The following HSPA4L variants were observed in gnomAD, a reference collection of about 807,000 sequenced individuals.
The protein encoded by HSPA4L is heat shock 70 kDa protein 4L.
A neutral mutation model predicts 100.3 loss-of-function variants in HSPA4L; 48 were observed. The observed-to-expected ratio is 0.48, with a 90% CI of 0.38 to 0.61. The LOEUF (loss-of-function observed/expected upper bound fraction) is 0.61, where lower values mean the gene tolerates loss of function less well. HSPA4L is among the 20% of genes least tolerant of loss of function. The pLI is 0.00. For synonymous variants in HSPA4L, 319 were observed against 328.2 expected (o/e 0.97, Z 0.30); for missense variants, 886 against 988.6 (o/e 0.90, Z 1.39).
chr4:127,812,958 C>T (rs944426226), intron 12 of HSPA4L: 4 of 820,018 alleles, frequency 4.9e-6, no homozygotes, highest in Non-Finnish European at 6.2e-6. Context: ...GAATCTTGCC[C>T]TTAACTTGTT....
intron 2 of HSPA4L, 57 bp from the exon 3 acceptor site, chr4:127,795,711 G>A: frequency 6.4e-7 from 1 of 1,566,810 alleles, no homozygotes; most frequent in Non-Finnish European, 8.8e-7. Context: ...TACTAGGATA[G>A]AATTTTATTT....
chr4:127,785,594 C>T (rs771733364), intron 1 of HSPA4L, among the ~76,000 whole-genome samples: 10 of 152,020 alleles, frequency 6.6e-5, no homozygotes, highest in Non-Finnish European at 1.2e-4. Context: ...ACGACCACCA[C>T]GCCTAGCTAT....
chr4:127,805,108 G>A lies in HSPA4L; in HGVS notation c.1021G>A (p.Val341Ile). ...TGAAGACATTAGTAGTATAGAAATTGTAGGAGGAGCAACACGAATTCCTGC... is the reference window on the plus strand; with the variant it reads ...TGAAGACATTAGTAGTATAGAAATTATAGGAGGAGCAACACGAATTCCTGC... ...QREDISSIEIVGGATRIPAVK... is the reference protein window; with the variant it reads ...QREDISSIEIIGGATRIPAVK... Residue 341 changes from valine to isoleucine, a missense_variant, in exon 9 of 19, where the codon GTA becomes ATA. Physicochemically the swap from Val to Ile is conservative, Grantham distance 29. Coordinates refer to ENST00000296464, the MANE Select transcript of HSPA4L (RefSeq NM_014278.4). The A allele has an allele frequency of 3.7e-6, 6 of 1,611,782 alleles. No homozygotes were observed. Among genetic ancestry groups the A allele is most frequent in the Non-Finnish European group, 5.1e-6 (6 of 1,178,750 alleles).
At position 127,803,756 on chromosome 4, in the gene HSPA4L, T is replaced by C. The variant is rs1560658438; in HGVS notation, c.791T>C (p.Leu264Ser). 1 of 1,613,998 alleles carries C rather than the reference T, an allele frequency of 6.2e-7. No individual in the cohort carries two copies. Among genetic ancestry groups the C allele is most frequent in the Middle Eastern group, 1.7e-4 (1 of 6,060 alleles). The change falls in exon 7 of 19, where the codon TTG (leucine) becomes TCG (serine). Residue 264 changes from leucine to serine, a missense_variant. Coordinates refer to ENST00000296464, the MANE Select transcript of HSPA4L (RefSeq NM_014278.4). ...INVKENSRAL[L>S]RLYQECEKLK... ...GTGAAAGAAAACTCTCGGGCCTTGTTGCGTTTATATCAGGAATGTGAAAAA... is the reference window on the plus strand; with the variant it reads ...GTGAAAGAAAACTCTCGGGCCTTGTCGCGTTTATATCAGGAATGTGAAAAA...
Position 127,832,912 on chromosome 4 carries a change from A to C in HSPA4L, c.*38A>C. 6.8e-7 allele frequency: 1 copy of C among 1,469,496 alleles called. No homozygotes were observed. The highest frequency in any genetic ancestry group is 9.3e-7 in the Non-Finnish European group (1 of 1,077,080). The allele number at this position is 1,469,496 out of a possible 1,614,324, so 91.0% of individuals were successfully genotyped here. A position where few individuals can be genotyped will look rare whatever the true frequency, so the allele number is the denominator to read the frequency against. On this transcript the variant is annotated 3_prime_UTR_variant, in exon 19 of 19. Coordinates refer to ENST00000296464, the MANE Select transcript of HSPA4L (RefSeq NM_014278.4). ...CCTTCACATTAATTCAAACCGTGCA[A>C]GTAACCACGGGGTCCATCTTTTACA...
intron 17 of HSPA4L, 140 bp downstream of exon 17, chr4:127,827,564 C>A: frequency 1.3e-6 from 1 of 779,472 alleles, no homozygotes; most frequent in Non-Finnish European, 1.9e-6. Context: ...AAACTTAAAA[C>A]TTTTTTTTTT....
intron 12 of HSPA4L, 35 bp from the exon 13 acceptor site, chr4:127,818,290 C>A: frequency 1.4e-6 from 2 of 1,407,628 alleles, no homozygotes; most frequent in African/African-American, 1.4e-5. Flanking sequence ...AAAAAAGACA[C>A]TGCGTATATT....
intron 1 of HSPA4L, among the ~76,000 whole-genome samples, chr4:127,791,188 A>AAAT (rs1732865560): frequency 1.3e-5 from 2 of 152,216 alleles, no homozygotes; most frequent in Admixed American, 1.3e-4. Flanking sequence ...AGTATATCCA[A>AAAT]AATTTTATCT....
chr4:127,815,740 A>G (rs1444596104), intron 12 of HSPA4L, among the ~76,000 whole-genome samples: 1 of 152,206 alleles, frequency 6.6e-6, no homozygotes, highest in Admixed American at 6.5e-5. Flanking sequence ...CCACCCATCT[A>G]TAACTTACAG....
intron 11 of HSPA4L, 21 bp from the exon 12 acceptor site, chr4:127,811,416 T>G: frequency 6.3e-7 from 1 of 1,583,532 alleles, no homozygotes; most frequent in Non-Finnish European, 8.7e-7. Flanking sequence ...ACATACTGAT[T>G]GGAGTTCTTT....
At chr4:127,820,277 TACAC>T in intron 13 of HSPA4L, 147 bp from the exon 14 acceptor site, 1 of 582,152 alleles carries the variant, frequency 1.7e-6, no homozygotes, top group Non-Finnish European at 2.7e-6. Flanking sequence ...GGATTTAACA[TACAC>T]AGACTACAAA....
At chr4:127,830,446 T>C (rs10493148) in intron 17 of HSPA4L, among the ~76,000 whole-genome samples, 192 bp from the exon 18 acceptor site, 4,612 of 152,294 alleles carry the variant, frequency 0.03, 298 homozygotes, top group East Asian at 0.26. Context: ...CCTTTCCTTT[T>C]TAAACTCACA....
rs956452910 is a variant in HSPA4L at position 127,813,936 on chromosome 4, G to A, written c.1578+2300G>A. Among the ~76,000 whole-genome samples the A allele has an allele frequency of 6.6e-5, 10 of 152,088 alleles. 1 individual carries two copies. The highest frequency in any genetic ancestry group is 3.9e-4 in the Admixed American group (6 of 15,260). ...TGGGATTACAGGTGTGAGCCACTGCGCCTGGCTCATTTATCTTTTTTTAAG... is the reference window on the plus strand; with the variant it reads ...TGGGATTACAGGTGTGAGCCACTGCACCTGGCTCATTTATCTTTTTTTAAG... On this transcript the variant is annotated intron_variant, in intron 12 of 18. Coordinates refer to ENST00000296464, the MANE Select transcript of HSPA4L (RefSeq NM_014278.4).
Position 127,811,496 on chromosome 4 carries a change from G to T in HSPA4L, c.1438G>T (p.Val480Phe). The T allele has an allele frequency of 6.2e-7, 1 of 1,613,992 alleles. No homozygotes were observed. The highest frequency in any genetic ancestry group is 1.1e-5 in the South Asian group (1 of 91,070). Residue 480 changes from valine to phenylalanine, a missense_variant, in exon 12 of 19, where the codon GTT (valine) becomes TTT (phenylalanine). Val to Phe is a conservative substitution (Grantham distance 50). Transcript: ENST00000296464. The part of the protein sequence containing the change: ...QSDGDSSKVK[V>F]KVRVNIHGIF... ...TGATGGTGATAGTTCCAAAGTGAAG[G>T]TTAAAGTTCGTGTTAACATCCATGG...
intron 12 of HSPA4L, chr4:127,813,304 A>C (rs957430181): frequency 6.0e-6 from 4 of 670,256 alleles, no homozygotes; most frequent in Non-Finnish European, 1.0e-5. Context: ...TTTTGTTTTT[A>C]TTAATAATTA....
intron 1 of HSPA4L, among the ~76,000 whole-genome samples, chr4:127,785,354 A>C (rs940157234): frequency 6.6e-6 from 1 of 152,224 alleles, no homozygotes; most frequent in Admixed American, 6.5e-5. Flanking sequence ...TGAAATTAAA[A>C]ATTTAATTCC....
intron 8 of HSPA4L, 114 bp from the exon 9 acceptor site, chr4:127,804,959 C>T: frequency 6.6e-6 from 4 of 606,708 alleles, no homozygotes; most frequent in Admixed American, 3.3e-5. Context: ...TTTTTCTTCC[C>T]TTTTATTTTC....
intron 12 of HSPA4L, among the ~76,000 whole-genome samples, chr4:127,812,105 G>A (rs949427975): frequency 3.9e-5 from 6 of 152,192 alleles, no homozygotes; most frequent in African/African-American, 1.4e-4. Flanking sequence ...TGTACATTCA[G>A]TAATGTTAAA....
chr4:127,807,714 A>T (rs1733401855), intron 10 of HSPA4L, among the ~76,000 whole-genome samples: 1 of 152,150 alleles, frequency 6.6e-6, no homozygotes, highest in Non-Finnish European at 1.5e-5. Context: ...GTGAGGGAAA[A>T]AAACCATACA....
Sources: gnomAD v4.1 joint callset for allele counts (sites outside exome capture counted in the v4.1 genomes callset) on GRCh38, gnomAD v4.1.1 for gene constraint, MANE v1.5 for transcripts, NCBI Gene and HGNC (gene_info 2026-07-23, HGNC 2026-07-21) for gene names.